Variants in EIF5B observed in about 807,000 individuals in gnomAD.
The protein encoded by EIF5B is eukaryotic translation initiation factor 5B.
A neutral mutation model predicts 147.5 loss-of-function variants in EIF5B; 47 were observed. The observed-to-expected ratio is 0.32, with a 90% CI of 0.25 to 0.41. EIF5B has a LOEUF of 0.41. EIF5B is among the 10% of genes least tolerant of loss of function. EIF5B has a pLI of 1.00. For synonymous variants in EIF5B, 455 were observed against 456.2 expected, an observed-to-expected ratio of 1.00 and a Z score of 0.03; for missense variants, 1,064 against 1,413.2, an observed-to-expected ratio of 0.75 and a Z score of 3.96.
intron 22 of EIF5B, 37 bp downstream of exon 22, chr2:99,396,935 A>G: frequency 6.3e-7 from 1 of 1,577,662 alleles, no homozygotes. Flanking sequence ...GTCATTTCTT[A>G]AAGCACTAAA....
chr2:99,382,236 A>G lies in EIF5B; in HGVS notation c.2129+10A>G, dbSNP rs1574936240. 9.3e-6 allele frequency: 15 copies of G among 1,611,150 alleles called. No individual in the cohort carries two copies. Among genetic ancestry groups the G allele is most frequent in the Non-Finnish European group, 1.2e-5 (14 of 1,178,008 alleles). On this transcript the variant is annotated intron_variant, in intron 13 of 23. Coordinates refer to ENST00000289371, the MANE Select transcript of EIF5B (RefSeq NM_015904.4). ...GGCATGAATCTTTCAGGTAAGAGCA[A>G]TTTGAGTCTTTTCTCATCAAGCAAT...
rs759464054 is a variant in EIF5B at position 99,391,729 on chromosome 2, C to CTT, written c.2748+1042_2748+1043dup. On this transcript the variant is annotated intron_variant, in intron 17 of 23. Coordinates refer to ENST00000289371, the MANE Select transcript of EIF5B (RefSeq NM_015904.4). ...TCAGTGTGTACTTTTATAGCTGGCT[C>CTT]TTTTTTTTTTTTTTTTTTTGGTGAT... 3.8e-3 allele frequency among the ~76,000 whole-genome samples: 496 copies of CTT among 129,800 alleles called. 16 individuals carry two copies. In the East Asian group the frequency reaches 0.081, roughly 21 times the overall value. The allele number at this position is 129,800 out of a possible 152,430, so 85.2% of individuals were successfully genotyped here.
intron 1 of EIF5B, among the ~76,000 whole-genome samples, chr2:99,340,294 C>A (rs2094256819): frequency 6.6e-6 from 1 of 152,166 alleles, no homozygotes; most frequent in Non-Finnish European, 1.5e-5. Flanking sequence ...GGGACAAAAA[C>A]ACAGACTGGA....
chr2:99,388,879 T>G (rs1674865257), intron 14 of EIF5B, among the ~76,000 whole-genome samples: 1 of 152,212 alleles, frequency 6.6e-6, no homozygotes, highest in East Asian at 1.9e-4. Context: ...TGTGCAGGAA[T>G]TGGATTATTT....
intron 9 of EIF5B, 45 bp from the exon 10 acceptor site, chr2:99,376,302 A>G (rs749758492): frequency 2.4e-5 from 29 of 1,213,638 alleles, no homozygotes; most frequent in African/African-American, 4.7e-5. Flanking sequence ...ATATAAATCT[A>G]TCATATTAAT....
chr2:99,383,080 A>G (rs1018809834), intron 14 of EIF5B, among the ~76,000 whole-genome samples, 159 bp downstream of exon 14: 1 of 151,190 alleles, frequency 6.6e-6, no homozygotes, highest in Non-Finnish European at 1.5e-5. Context: ...ATTTGTGTAT[A>G]GTTTTTTTTT....
rs376213112 is a variant in EIF5B at position 99,382,148 on chromosome 2, A to G, written c.2062-11A>G. On this transcript the variant is annotated splice_polypyrimidine_tract_variant and intron_variant, in intron 12 of 23. Transcript: ENST00000289371. The stretch of plus-strand genomic sequence containing the variant: ...TTTCTTAAACTTTGAACTTTTCCCC[A>G]TTGTTTCTAGTTTGATAGAGAGAAT... 2.4e-5 allele frequency: 39 copies of G among 1,610,558 alleles called. No individual in the cohort carries two copies. The highest frequency in any genetic ancestry group is 1.7e-4 in the Middle Eastern group (1 of 5,778).
chr2:99,353,411 G>A (rs542230771), intron 1 of EIF5B, among the ~76,000 whole-genome samples: 1 of 152,116 alleles, frequency 6.6e-6, no homozygotes, highest in South Asian at 2.1e-4. Context: ...CACCCACCTC[G>A]GCTTCCCAAA....
Position 99,337,454 on chromosome 2 carries a change from G to A in EIF5B, c.-101G>A, listed in dbSNP as rs746583086. ...AGCCGGGTGCGAGCGGCGGCAGCAC[G>A]AGGGGAAAAGAGCTGAGCGGAGACC... is the stretch of plus-strand genomic sequence containing the variant. On this transcript the variant is annotated 5_prime_UTR_variant, in exon 1 of 24. Coordinates refer to ENST00000289371, the MANE Select transcript of EIF5B (RefSeq NM_015904.4). 2 of 1,474,482 alleles carry A rather than the reference G, an allele frequency of 1.4e-6. No individual in the cohort carries two copies. The highest frequency in any genetic ancestry group is 1.4e-5 in the African/African-American group (1 of 71,636). The allele number at this position is 1,474,482 out of a possible 1,614,324, so 91.3% of individuals were successfully genotyped here. A position where few individuals can be genotyped will look rare whatever the true frequency, so the allele number is the denominator to read the frequency against.
chr2:99,359,915 A>G (rs1282982342), intron 1 of EIF5B, among the ~76,000 whole-genome samples: 3 of 152,188 alleles, frequency 2.0e-5, no homozygotes, highest in African/African-American at 4.8e-5. Flanking sequence ...AAGATCTCCC[A>G]TTTTATAAAT....
intron 12 of EIF5B, among the ~76,000 whole-genome samples, chr2:99,380,418 A>G (rs1674664119): frequency 6.6e-6 from 1 of 152,150 alleles, no homozygotes; most frequent in Non-Finnish European, 1.5e-5. Context: ...AGTCCATTTC[A>G]GTTATTATTG....
intron 12 of EIF5B, among the ~76,000 whole-genome samples, chr2:99,381,518 G>GGTGTGTGTGTGT (rs56686088): frequency 1.2e-3 from 172 of 143,072 alleles, no homozygotes; most frequent in East Asian, 5.4e-3. Context: ...ACAAAAAGGG[G>GGTGTGTGTGTGT]GTGTGTGTGT....
At chr2:99,363,918 T>C in intron 5 of EIF5B, 56 bp downstream of exon 5, 1 of 1,517,834 alleles carries the variant, frequency 6.6e-7, no homozygotes. Flanking sequence ...AAATCTATTC[T>C]CTGTAAAATA....
Position 99,366,360 on chromosome 2 carries a change from A to T in EIF5B, c.1288+1939A>T, listed in dbSNP as rs1245336136. ...GTTTCCCCTCAGGCCCATGCTTTTC[A>T]TCTTAGTAGGTGTAGGCTGCTAGGC... On this transcript the variant is annotated intron_variant, in intron 6 of 23. Transcript: ENST00000289371. 2.0e-4 allele frequency among the ~76,000 whole-genome samples: 30 copies of T among 152,122 alleles called. 1 individual carries two copies. Among genetic ancestry groups the T allele is most frequent in the Admixed American group, 2.0e-3 (30 of 15,274 alleles).
intron 3 of EIF5B, among the ~76,000 whole-genome samples, chr2:99,360,780 A>G (rs993171070): frequency 1.3e-5 from 2 of 152,236 alleles, no homozygotes; most frequent in African/African-American, 4.8e-5. Context: ...CACTCGTTCC[A>G]TCTTCAGTTT....
At chr2:99,374,020 G>A (rs113647416) in intron 9 of EIF5B, among the ~76,000 whole-genome samples, 58 of 152,088 alleles carry the variant, frequency 3.8e-4, no homozygotes, top group African/African-American at 1.2e-3. Context: ...CAGGCATGGC[G>A]GCTCACACCT....
chr2:99,345,104 C>T (rs924281368), intron 1 of EIF5B, among the ~76,000 whole-genome samples: 7 of 152,100 alleles, frequency 4.6e-5, no homozygotes, highest in Admixed American at 6.5e-5. Flanking sequence ...TTTAAACTAG[C>T]GTTTCAATTT....
At chr2:99,342,800 T>G (rs1038299842) in intron 1 of EIF5B, among the ~76,000 whole-genome samples, 3 of 151,882 alleles carry the variant, frequency 2.0e-5, no homozygotes, top group Non-Finnish European at 2.9e-5. Flanking sequence ...CTCAGCTAAT[T>G]TTTAAAAATT....
chr2:99,371,344 T>C (rs1394060826), intron 8 of EIF5B, among the ~76,000 whole-genome samples: 2 of 151,934 alleles, frequency 1.3e-5, no homozygotes, highest in Non-Finnish European at 2.9e-5. Context: ...AAAAATTAGC[T>C]GGCCACGGTG....
Sources: allele counts gnomAD v4.1 joint callset (sites outside exome capture counted in the v4.1 genomes callset), GRCh38; gene constraint gnomAD v4.1.1; transcripts MANE v1.5; gene names NCBI Gene and HGNC (gene_info 2026-07-23, HGNC 2026-07-21).